SNTB1: variants seen among roughly 807,000 people sequenced by gnomAD.
The protein encoded by SNTB1 is syntrophin beta 1, also known as beta-1-syntrophin.
SNTB1 carries 36 observed loss-of-function variants against 48.9 expected under a neutral mutation model. That is an observed-to-expected ratio of 0.74 (90% CI 0.56 to 0.97). The LOEUF (loss-of-function observed/expected upper bound fraction) is 0.97. Among genes scored for constraint, SNTB1 ranks in the 50% least tolerant of loss-of-function variants. The pLI is 0.00. For synonymous variants in SNTB1, 299 were observed against 294.6 expected (o/e 1.01, Z -0.15); for missense variants, 786 against 703.4 (o/e 1.12, Z -1.33).
intron 1 of SNTB1, among the ~76,000 whole-genome samples, chr8:120,804,236 C>T (rs1357706553): frequency 6.6e-6 from 1 of 151,584 alleles, no homozygotes; most frequent in African/African-American, 2.4e-5. Context: ...CCCTTTCTCC[C>T]TCCCTTTATT....
At chr8:120,616,236 C>G (rs1359857912) in intron 3 of SNTB1, among the ~76,000 whole-genome samples, 2 of 151,656 alleles carry the variant, frequency 1.3e-5, no homozygotes, top group African/African-American at 4.8e-5. Flanking sequence ...GAAGAGATTA[C>G]TAGCAGTTGG....
At chr8:120,734,101 A>G (rs1818897551) in intron 1 of SNTB1, among the ~76,000 whole-genome samples, 1 of 152,202 alleles carries the variant, frequency 6.6e-6, no homozygotes, top group Non-Finnish European at 1.5e-5. Context: ...GAGGAGCACA[A>G]ACAGGAGAAG....
rs959085427 is a variant in SNTB1, at chr8:120,729,264, G to A, written c.572-35356C>T. ...CTCTCAAAGTGCTGGGATTACAGGCGTGAGCCACTGCACCTGGCCTGACGT... is the reference window on the plus strand; with the variant it reads ...CTCTCAAAGTGCTGGGATTACAGGCATGAGCCACTGCACCTGGCCTGACGT... On this transcript the variant is annotated intron_variant, in intron 1 of 6. Coordinates refer to ENST00000517992, the MANE Select transcript of SNTB1 (RefSeq NM_021021.4). Among the ~76,000 whole-genome samples, 4 of 152,152 alleles carry A rather than the reference G, an allele frequency of 2.6e-5. No individual in the cohort carries two copies. In the East Asian group the frequency reaches 5.8e-4, roughly 22 times the overall value.
intron 3 of SNTB1, among the ~76,000 whole-genome samples, chr8:120,579,214 A>AAACG (rs566057930): frequency 0.025 from 3,710 of 150,902 alleles, 461 homozygotes; most frequent in South Asian, 0.083. Context: ...ACAAACAAAC[A>AAACG]AAGAGCAAAC....
intron 1 of SNTB1, among the ~76,000 whole-genome samples, chr8:120,780,222 C>T (rs777387952): frequency 2.0e-5 from 3 of 152,198 alleles, no homozygotes; most frequent in Non-Finnish European, 4.4e-5. Context: ...ACTCCTTCTA[C>T]ATTTCTTTTC....
At chr8:120,542,086 A>G in intron 5 of SNTB1, 86 bp from the exon 6 acceptor site, 1 of 931,742 alleles carries the variant, frequency 1.1e-6, no homozygotes, top group Non-Finnish European at 1.6e-6. Flanking sequence ...TTGCCTCCTC[A>G]GTCCCAGCGA....
At chr8:120,605,371 A>T (rs1816496860) in intron 3 of SNTB1, among the ~76,000 whole-genome samples, 1 of 152,210 alleles carries the variant, frequency 6.6e-6, no homozygotes, top group Non-Finnish European at 1.5e-5. Context: ...CAAGCTCTCC[A>T]GAAGTAGCTA....
intron 1 of SNTB1, among the ~76,000 whole-genome samples, chr8:120,778,155 C>T (rs1010462346): frequency 1.5e-4 from 23 of 152,162 alleles, no homozygotes; most frequent in African/African-American, 5.3e-4. Flanking sequence ...CTCCTGTTAG[C>T]AGGGAAAACA....
intron 3 of SNTB1, among the ~76,000 whole-genome samples, chr8:120,617,355 G>A (rs73708912): frequency 0.21 from 32,424 of 152,136 alleles, 3,579 homozygotes; most frequent in Middle Eastern, 0.28. Flanking sequence ...GAATATTTTT[G>A]TGGAATGAGA....
intron 3 of SNTB1, among the ~76,000 whole-genome samples, chr8:120,624,096 C>A (rs1381011489): frequency 1.3e-5 from 2 of 152,116 alleles, no homozygotes; most frequent in Non-Finnish European, 2.9e-5. Context: ...TGCCAACACA[C>A]CTGGCTAATT....
intron 1 of SNTB1, among the ~76,000 whole-genome samples, chr8:120,753,155 C>T (rs944533823): frequency 2.0e-5 from 3 of 151,996 alleles, no homozygotes; most frequent in Non-Finnish European, 4.4e-5. Flanking sequence ...ATAGAAATCA[C>T]CTGTGTCAAT....
chr8:120,798,114 C>T (rs1820154085), intron 1 of SNTB1, among the ~76,000 whole-genome samples: 1 of 152,038 alleles, frequency 6.6e-6, no homozygotes, highest in African/African-American at 2.4e-5. Context: ...ACACAGGCCT[C>T]ACCATATCTG....
intron 1 of SNTB1, among the ~76,000 whole-genome samples, chr8:120,750,109 G>A (rs1274023140): frequency 6.6e-6 from 1 of 151,840 alleles, no homozygotes; most frequent in Non-Finnish European, 1.5e-5. Flanking sequence ...AATTACTAAA[G>A]TGAATAATCC....
intron 1 of SNTB1, among the ~76,000 whole-genome samples, chr8:120,803,352 T>G (rs2130183899): frequency 6.6e-6 from 1 of 152,296 alleles, no homozygotes. Context: ...ATTATATATT[T>G]TTGTCTTAAG....
At chr8:120,713,294 T>G (rs1388089975) in intron 1 of SNTB1, among the ~76,000 whole-genome samples, 4 of 152,248 alleles carry the variant, frequency 2.6e-5, no homozygotes, top group African/African-American at 7.2e-5. Context: ...TCAGTCTGGA[T>G]GAACACATAT....
chr8:120,539,975 T>G (rs1162788307), intron 6 of SNTB1, among the ~76,000 whole-genome samples: 1 of 152,204 alleles, frequency 6.6e-6, no homozygotes, highest in African/African-American at 2.4e-5. Context: ...AAATAAAAAG[T>G]GTGGACTCAA....
chr8:120,683,343 C>T (rs1817970095), intron 2 of SNTB1, among the ~76,000 whole-genome samples: 1 of 152,030 alleles, frequency 6.6e-6, no homozygotes, highest in African/African-American at 2.4e-5. Context: ...CAATGATCTA[C>T]ATAAATTCAG....
intron 2 of SNTB1, among the ~76,000 whole-genome samples, chr8:120,658,745 A>G (rs1057321029): frequency 6.6e-6 from 1 of 152,194 alleles, no homozygotes; most frequent in Non-Finnish European, 1.5e-5. Flanking sequence ...CTGACTGATC[A>G]GGGTGGTGGG....
intron 3 of SNTB1, among the ~76,000 whole-genome samples, chr8:120,612,756 C>T (rs897663001): frequency 6.6e-6 from 1 of 152,014 alleles, no homozygotes; most frequent in Admixed American, 6.6e-5. Context: ...GTACAGCTGG[C>T]CATAATTTTT....
Sources: allele counts gnomAD v4.1 joint callset (sites outside exome capture counted in the v4.1 genomes callset), GRCh38; gene constraint gnomAD v4.1.1; transcripts MANE v1.5; gene names NCBI Gene and HGNC (gene_info 2026-07-23, HGNC 2026-07-21).